The following LRRTM4 variants were observed in gnomAD, a reference collection of about 807,000 sequenced individuals.
LRRTM4 encodes the protein leucine rich repeat transmembrane neuronal 4, also known as leucine-rich repeat transmembrane neuronal protein 4.
A neutral mutation model predicts 47.6 loss-of-function variants in LRRTM4; 25 were observed. That is an observed-to-expected ratio of 0.53 (90% CI 0.38 to 0.73). The LOEUF (loss-of-function observed/expected upper bound fraction) is 0.73, where lower values mean the gene tolerates loss of function less well. Among genes scored for constraint, LRRTM4 ranks in the 30% least tolerant of loss-of-function variants. LRRTM4 has a pLI of 0.00. For synonymous variants in LRRTM4, 311 were observed against 269.5 expected (o/e 1.15, Z -1.51); for missense variants, 638 against 713.4 (o/e 0.89, Z 1.20).
Position 76,879,779 on chromosome 2 carries a change from T to C in LRRTM4, c.1552-130863A>G, listed in dbSNP as rs911063933. 3.3e-5 allele frequency among the ~76,000 whole-genome samples: 5 copies of C among 152,312 alleles called. No individual in the cohort carries two copies. In the East Asian group the frequency reaches 7.7e-4, roughly 24 times the overall value. On this transcript the variant is annotated intron_variant, in intron 3 of 3. Transcript: ENST00000409884. ...TCTGGGAAGGAATCACCCTTCTAAA[T>C]GCTATTAAGAACATTCTTGATTTAC... is the stretch of plus-strand genomic sequence containing the variant.
intron 3 of LRRTM4, among the ~76,000 whole-genome samples, chr2:77,043,735 C>T (rs1679116883): frequency 6.6e-6 from 1 of 151,688 alleles, no homozygotes; most frequent in African/African-American, 2.4e-5. Flanking sequence ...AATAATCCTA[C>T]AATCTGGCAG....
intron 3 of LRRTM4, among the ~76,000 whole-genome samples, chr2:77,265,296 A>G (rs777292998): frequency 2.0e-5 from 3 of 152,140 alleles, no homozygotes; most frequent in Non-Finnish European, 4.4e-5. Context: ...GTTGTAAGCT[A>G]TCCCCAATAC....
chr2:76,869,794 C>G (rs1233845376), intron 3 of LRRTM4, among the ~76,000 whole-genome samples: 1 of 151,554 alleles, frequency 6.6e-6, no homozygotes, highest in Non-Finnish European at 1.5e-5. Context: ...AAAATAATAC[C>G]CAATGACAAG....
intron 3 of LRRTM4, among the ~76,000 whole-genome samples, chr2:77,514,629 C>T (rs930216069): frequency 2.0e-5 from 3 of 151,976 alleles, no homozygotes; most frequent in African/African-American, 7.2e-5. Context: ...GATCATTAAA[C>T]TTTATATTTC....
chr2:76,789,341 C>G (rs1674846799), intron 3 of LRRTM4, among the ~76,000 whole-genome samples: 1 of 152,330 alleles, frequency 6.6e-6, no homozygotes, highest in South Asian at 2.1e-4. Context: ...TTCCATACCA[C>G]TGCTGTCCCT....
chr2:77,346,076 A>T (rs1410504911), intron 3 of LRRTM4, among the ~76,000 whole-genome samples: 1 of 152,054 alleles, frequency 6.6e-6, no homozygotes, highest in Non-Finnish European at 1.5e-5. Flanking sequence ...GAATAAAAGG[A>T]GGTACTATGG....
chr2:77,305,414 A>G (rs919729905), intron 3 of LRRTM4, among the ~76,000 whole-genome samples: 3 of 152,132 alleles, frequency 2.0e-5, no homozygotes, highest in African/African-American at 7.2e-5. Context: ...CAGTTTCAAT[A>G]TAGGTAGTAG....
At chr2:76,895,636 T>A (rs1249539638) in intron 3 of LRRTM4, among the ~76,000 whole-genome samples, 1 of 151,988 alleles carries the variant, frequency 6.6e-6, no homozygotes, top group Non-Finnish European at 1.5e-5. Context: ...TACCCATAAA[T>A]CCAGCAAACT....
At chr2:76,760,127 A>G (rs2104078881) in intron 3 of LRRTM4, among the ~76,000 whole-genome samples, 1 of 152,246 alleles carries the variant, frequency 6.6e-6, no homozygotes, top group Middle Eastern at 3.4e-3. Context: ...TTACCTCTAA[A>G]GCTGTGAGCG....
intron 3 of LRRTM4, among the ~76,000 whole-genome samples, chr2:76,796,287 AG>A (rs879941549): frequency 0.21 from 24,198 of 115,928 alleles, 4,742 homozygotes; most frequent in East Asian, 0.46. Flanking sequence ...CAAAGCAGCC[AG>A]GAAGCTCCAA....
chr2:77,271,431 A>G (rs537729758), intron 3 of LRRTM4, among the ~76,000 whole-genome samples: 4 of 152,186 alleles, frequency 2.6e-5, no homozygotes, highest in Admixed American at 1.3e-4. Context: ...TGGGTCCTGC[A>G]TGGAGCTTGT....
At chr2:77,496,909 G>C (rs926056640) in intron 3 of LRRTM4, among the ~76,000 whole-genome samples, 1 of 151,566 alleles carries the variant, frequency 6.6e-6, no homozygotes, top group Admixed American at 6.6e-5. Flanking sequence ...GAATTAACTA[G>C]TGTTGCCACC....
At chr2:77,086,746 C>T (rs1002922401) in intron 3 of LRRTM4, among the ~76,000 whole-genome samples, 3 of 152,090 alleles carry the variant, frequency 2.0e-5, no homozygotes, top group Non-Finnish European at 4.4e-5. Flanking sequence ...CCGGCTGCCA[C>T]AGCCTCCCAA....
At chr2:77,048,221 G>T (rs1679298826) in intron 3 of LRRTM4, among the ~76,000 whole-genome samples, 1 of 152,020 alleles carries the variant, frequency 6.6e-6, no homozygotes, top group African/African-American at 2.4e-5. Flanking sequence ...ATGTATGTAT[G>T]AATGTATGTG....
At chr2:76,832,698 T>C (rs186885935) in intron 3 of LRRTM4, among the ~76,000 whole-genome samples, 66 of 152,114 alleles carry the variant, frequency 4.3e-4, no homozygotes, top group African/African-American at 1.5e-3. Flanking sequence ...ATGTTAACCA[T>C]AGCTTGTGGG....
chr2:77,469,692 A>T (rs1023430477), intron 3 of LRRTM4, among the ~76,000 whole-genome samples: 1 of 151,806 alleles, frequency 6.6e-6, no homozygotes, highest in African/African-American at 2.4e-5. Context: ...AGATGATTGA[A>T]TTTTTTTTAT....
intron 3 of LRRTM4, among the ~76,000 whole-genome samples, chr2:77,455,036 A>G (rs1573437957): frequency 6.6e-6 from 1 of 152,244 alleles, no homozygotes; most frequent in East Asian, 1.9e-4. Context: ...AAAAATACAA[A>G]AATTAGCCAG....
At chr2:77,337,543 T>G (rs370862629) in intron 3 of LRRTM4, among the ~76,000 whole-genome samples, 19 of 152,092 alleles carry the variant, frequency 1.2e-4, no homozygotes, top group Admixed American at 6.6e-4. Flanking sequence ...CTCATGATAG[T>G]GAACAAGTTT....
chr2:76,846,610 C>G (rs1246258185), intron 3 of LRRTM4, among the ~76,000 whole-genome samples: 1 of 152,016 alleles, frequency 6.6e-6, no homozygotes. Flanking sequence ...GAGAAACACT[C>G]ACTTAATCAA....
Sources: allele counts gnomAD v4.1 joint callset (sites outside exome capture counted in the v4.1 genomes callset), GRCh38; gene constraint gnomAD v4.1.1; transcripts MANE v1.5; gene names NCBI Gene and HGNC (gene_info 2026-07-23, HGNC 2026-07-21).